Variants in SUPT3H observed in about 807,000 individuals in gnomAD.
The protein encoded by SUPT3H is transcription initiation protein SPT3 homolog.
In SUPT3H, 44 loss-of-function variants were observed where a neutral mutation model predicts 44.3. The ratio of observed to expected loss-of-function variants is 0.99; its 90% CI spans 0.78 to 1.28. The LOEUF (loss-of-function observed/expected upper bound fraction) is 1.28. Ranked by LOEUF, SUPT3H falls within the 50% of genes most tolerant of loss-of-function variation. The pLI, the probability that SUPT3H is intolerant of heterozygous loss-of-function variation, is 0.00. For missense variants in SUPT3H, 380 were observed against 387.1 expected, an observed-to-expected ratio of 0.98 and a Z score of 0.15; for synonymous variants, 124 against 125.6, an observed-to-expected ratio of 0.99 and a Z score of 0.09.
At chr6:44,962,175 T>C (rs1776127119) in intron 6 of SUPT3H, among the ~76,000 whole-genome samples, 1 of 152,218 alleles carries the variant, frequency 6.6e-6, no homozygotes, top group Admixed American at 6.5e-5. Context: ...AATATTATTG[T>C]CAATCTGCTT....
At chr6:45,333,130 A>G (rs1273291413) in intron 2 of SUPT3H, among the ~76,000 whole-genome samples, 1 of 151,788 alleles carries the variant, frequency 6.6e-6, no homozygotes, top group East Asian at 1.9e-4. Context: ...ACAAATCTTT[A>G]AAAGAAGTCT....
At chr6:45,162,763 T>C (rs1256359498) in intron 2 of SUPT3H, among the ~76,000 whole-genome samples, 1 of 152,188 alleles carries the variant, frequency 6.6e-6, no homozygotes, top group Non-Finnish European at 1.5e-5. Context: ...GTAACGATGC[T>C]TGTTCATAGT....
intron 6 of SUPT3H, among the ~76,000 whole-genome samples, chr6:44,996,306 TTTC>T (rs1224460166): frequency 2.0e-5 from 3 of 151,862 alleles, no homozygotes; most frequent in Admixed American, 6.6e-5. Flanking sequence ...TTTATTTTTA[TTTC>T]TTCTTGTTTT....
intron 3 of SUPT3H, among the ~76,000 whole-genome samples, chr6:45,103,564 G>C (rs1798882268): frequency 6.6e-6 from 1 of 151,924 alleles, no homozygotes; most frequent in African/African-American, 2.4e-5. Flanking sequence ...TATTAGACAT[G>C]GCAGAAAAAA....
intron 10 of SUPT3H, among the ~76,000 whole-genome samples, chr6:44,872,292 C>T (rs1178637305): frequency 2.8e-5 from 2 of 71,948 alleles, no homozygotes; most frequent in East Asian, 4.2e-4. Context: ...AGACTAACAG[C>T]GGATCTCTCG....
At chr6:45,143,673 C>G (rs1805595658) in intron 2 of SUPT3H, among the ~76,000 whole-genome samples, 1 of 151,658 alleles carries the variant, frequency 6.6e-6, no homozygotes, top group African/African-American at 2.4e-5. Flanking sequence ...AAACCCAAAG[C>G]CAGCAGAAGA....
intron 2 of SUPT3H, among the ~76,000 whole-genome samples, chr6:45,158,298 A>ATATATATATATATATATATATATTTTTT: frequency 1.0e-5 from 1 of 99,694 alleles, no homozygotes; most frequent in Non-Finnish European, 1.7e-5. Flanking sequence ...ATATATATAT[A>ATATATATATATATATATATATATTTTTT]TTTTTTTTTT....
At chr6:44,817,342 T>C (rs1766984550) in intron 11 of SUPT3H, among the ~76,000 whole-genome samples, 1 of 152,010 alleles carries the variant, frequency 6.6e-6, no homozygotes, top group South Asian at 2.1e-4. Context: ...TTCCTTAATG[T>C]GATAAAAAGC....
chr6:45,255,025 C>T (rs1346717442), intron 2 of SUPT3H, among the ~76,000 whole-genome samples: 4 of 152,112 alleles, frequency 2.6e-5, no homozygotes, highest in African/African-American at 9.7e-5. Flanking sequence ...GCAAATAATC[C>T]TTATATTACT....
At chr6:44,818,614 A>G (rs1461676688) in intron 11 of SUPT3H, among the ~76,000 whole-genome samples, 2 of 152,216 alleles carry the variant, frequency 1.3e-5, no homozygotes, top group African/African-American at 2.4e-5. Flanking sequence ...AAAGAGACAA[A>G]CAACCATGTT....
chr6:44,912,460 G>A (rs35979243), intron 10 of SUPT3H, among the ~76,000 whole-genome samples: 1,645 of 152,264 alleles, frequency 0.011, 25 homozygotes, highest in Middle Eastern at 0.02. Context: ...TATATACTAT[G>A]TTTTGCATCC....
chr6:45,008,588 A>C (rs1783040467), intron 5 of SUPT3H, among the ~76,000 whole-genome samples: 1 of 151,860 alleles, frequency 6.6e-6, no homozygotes, highest in Admixed American at 6.6e-5. Context: ...ATCCTGGCTT[A>C]AAGTGATCCT....
chr6:44,969,395 A>G (rs1777238888), intron 6 of SUPT3H, among the ~76,000 whole-genome samples: 1 of 146,580 alleles, frequency 6.8e-6, no homozygotes, highest in Non-Finnish European at 1.5e-5. Context: ...TTTCAGTGAC[A>G]CATTTCAGTA....
At chr6:45,226,574 TC>T (rs1312850094) in intron 2 of SUPT3H, among the ~76,000 whole-genome samples, 6 of 151,832 alleles carry the variant, frequency 4.0e-5, no homozygotes, top group Non-Finnish European at 5.9e-5. Context: ...TGAGACGGAG[TC>T]TTGCTCTGTC....
At chr6:44,820,771 A>G (rs1227425529) in intron 11 of SUPT3H, among the ~76,000 whole-genome samples, 1 of 152,200 alleles carries the variant, frequency 6.6e-6, no homozygotes, top group Non-Finnish European at 1.5e-5. Flanking sequence ...AAAGAAAGCA[A>G]GGAAAGGGAT....
intron 9 of SUPT3H, among the ~76,000 whole-genome samples, chr6:44,947,377 C>T (rs1227298197): frequency 6.6e-6 from 1 of 151,996 alleles, no homozygotes; most frequent in Non-Finnish European, 1.5e-5. Context: ...AAATCAATCA[C>T]ATAAACAGAC....
Position 45,340,057 on chromosome 6 carries a change from T to G in SUPT3H, c.101+25144A>C, listed in dbSNP as rs147285200. ...AGATGGGATTCCAACCCAAGCCTTTTAACTCTTAATTACCACTTTACAGTG... is the reference window on the plus strand; with the variant it reads ...AGATGGGATTCCAACCCAAGCCTTTGAACTCTTAATTACCACTTTACAGTG... On this transcript the variant is annotated intron_variant, in intron 2 of 10. Coordinates refer to ENST00000371459, the MANE Select transcript of SUPT3H (RefSeq NM_003599.4). Among the ~76,000 whole-genome samples, 267 of 152,320 alleles carry G rather than the reference T, an allele frequency of 1.8e-3. 3 individuals are homozygous for G. Among genetic ancestry groups the G allele is most frequent in the African/African-American group, 6.3e-3 (261 of 41,568 alleles).
At chr6:45,091,280 G>A (rs946128481) in intron 3 of SUPT3H, among the ~76,000 whole-genome samples, 4 of 152,024 alleles carry the variant, frequency 2.6e-5, no homozygotes, top group Admixed American at 2.0e-4. Flanking sequence ...CACACCAAAA[G>A]AAGATTGTGC....
At chr6:45,321,664 T>C (rs771885725) in intron 2 of SUPT3H, 21 of 638,980 alleles carry the variant, frequency 3.3e-5, no homozygotes, top group South Asian at 5.9e-5. Flanking sequence ...AAGTTTCACA[T>C]GCATGTTGAT....
Sources: gnomAD v4.1 joint callset for allele counts (sites outside exome capture counted in the v4.1 genomes callset) on GRCh38, gnomAD v4.1.1 for gene constraint, MANE v1.5 for transcripts, NCBI Gene and HGNC (gene_info 2026-07-23, HGNC 2026-07-21) for gene names.